WWC2: variants seen among roughly 807,000 people sequenced by gnomAD.
WWC2 encodes protein WWC2.
WWC2 carries 101 observed loss-of-function variants against 138.5 expected under a neutral mutation model. The ratio of observed to expected loss-of-function variants is 0.73; its 90% CI spans 0.62 to 0.86. The LOEUF is 0.86. Ranked by LOEUF, WWC2 falls within the 40% of genes least tolerant of loss-of-function variation. WWC2 has a pLI of 0.00. For synonymous variants in WWC2, 558 were observed against 538.4 expected, an observed-to-expected ratio of 1.04 and a Z score of -0.50; for missense variants, 1,420 against 1,419.4, an observed-to-expected ratio of 1.00 and a Z score of -0.01.
chr4:183,303,310 T>C (rs1738918688), intron 21 of WWC2, among the ~76,000 whole-genome samples: 2 of 152,230 alleles, frequency 1.3e-5, no homozygotes, highest in Non-Finnish European at 2.9e-5. Context: ...TATTGAGCAC[T>C]TGAGCCTTTA....
At chr4:183,111,626 A>G (rs1320698190) in intron 1 of WWC2, among the ~76,000 whole-genome samples, 1 of 151,688 alleles carries the variant, frequency 6.6e-6, no homozygotes, top group African/African-American at 2.4e-5. Context: ...TGTCCATACC[A>G]TATGTTCTTT....
At chr4:183,240,424 A>AT (rs1736580502) in intron 5 of WWC2, 162 bp downstream of exon 5, 1 of 520,114 alleles carries the variant, frequency 1.9e-6, no homozygotes, top group Non-Finnish European at 3.2e-6. Flanking sequence ...CAACCAACAG[A>AT]TAAAAAAACT....
intron 4 of WWC2, among the ~76,000 whole-genome samples, chr4:183,209,862 AC>A (rs1735548475): frequency 1.3e-5 from 2 of 152,210 alleles, no homozygotes; most frequent in African/African-American, 4.8e-5. Flanking sequence ...TGTAACCAAT[AC>A]CCCCTGGTCA....
intron 15 of WWC2, chr4:183,269,511 TTA>T (rs1560878172): frequency 4.1e-6 from 2 of 490,998 alleles, no homozygotes; most frequent in South Asian, 3.1e-5. Context: ...TGTGTATATA[TTA>T]TCTCATTTAA....
At chr4:183,115,128 G>T (rs1432664701) in intron 1 of WWC2, among the ~76,000 whole-genome samples, 1 of 152,128 alleles carries the variant, frequency 6.6e-6, no homozygotes, top group Non-Finnish European at 1.5e-5. Flanking sequence ...TGCGGTATTT[G>T]GTTTTCTATT....
intron 21 of WWC2, among the ~76,000 whole-genome samples, chr4:183,308,741 ATAAT>A (rs1483493903): frequency 1.3e-5 from 2 of 152,200 alleles, no homozygotes; most frequent in South Asian, 2.1e-4. Context: ...TACTATGTAA[ATAAT>A]TGTTATGCTA....
intron 4 of WWC2, among the ~76,000 whole-genome samples, chr4:183,225,232 A>T (rs1374744806): frequency 6.6e-6 from 1 of 152,274 alleles, no homozygotes; most frequent in Non-Finnish European, 1.5e-5. Context: ...TTTAAAATAC[A>T]TACATTACCA....
At chr4:183,200,286 C>T (rs1274461536) in intron 2 of WWC2, among the ~76,000 whole-genome samples, 5 of 151,964 alleles carry the variant, frequency 3.3e-5, no homozygotes, top group East Asian at 1.9e-4. Context: ...TGAAATATAC[C>T]GTGTCCCCAA....
At chr4:183,117,647 C>T (rs1358795079) in intron 1 of WWC2, among the ~76,000 whole-genome samples, 2 of 150,550 alleles carry the variant, frequency 1.3e-5, no homozygotes, top group Non-Finnish European at 1.5e-5. Context: ...GTTTAAAACA[C>T]TGAGACAAGG....
At chr4:183,285,643 C>T (rs902822438) in intron 19 of WWC2, among the ~76,000 whole-genome samples, 4 of 151,982 alleles carry the variant, frequency 2.6e-5, no homozygotes, top group East Asian at 1.9e-4. Context: ...GCCTGTAATC[C>T]GAGTTACTAC....
intron 4 of WWC2, among the ~76,000 whole-genome samples, chr4:183,234,257 C>T (rs955507226): frequency 1.3e-5 from 2 of 152,122 alleles, no homozygotes; most frequent in Admixed American, 6.5e-5. Context: ...GTTGCTTTAG[C>T]GTAGTTAGTG....
At chr4:183,268,922 G>A (rs1043141798) in intron 14 of WWC2, 49 bp from the exon 15 acceptor site, 6 of 1,501,246 alleles carry the variant, frequency 4.0e-6, no homozygotes, top group East Asian at 4.5e-5. Flanking sequence ...CTGTGAATCT[G>A]GTATAATTAA....
chr4:183,102,329 C>T (rs1389443578), intron 1 of WWC2, among the ~76,000 whole-genome samples: 1 of 152,086 alleles, frequency 6.6e-6, no homozygotes, highest in Non-Finnish European at 1.5e-5. Context: ...AACTGAGTGA[C>T]CCTGGAAATA....
intron 4 of WWC2, among the ~76,000 whole-genome samples, chr4:183,219,771 G>T (rs901694044): frequency 3.9e-5 from 6 of 152,140 alleles, no homozygotes; most frequent in Non-Finnish European, 5.9e-5. Flanking sequence ...GATGTTGCAG[G>T]TATAGTAAGC....
chr4:183,221,842 C>T (rs748150394), intron 4 of WWC2, among the ~76,000 whole-genome samples: 5 of 152,108 alleles, frequency 3.3e-5, no homozygotes, highest in South Asian at 4.1e-4. Context: ...AGCGGGTTAG[C>T]GATTTCTTAC....
intron 1 of WWC2, among the ~76,000 whole-genome samples, chr4:183,163,949 TTAG>T (rs1734033423): frequency 6.6e-6 from 1 of 152,076 alleles, no homozygotes; most frequent in African/African-American, 2.4e-5. Flanking sequence ...TAAAATGAAA[TTAG>T]TATTCCTATG....
At chr4:183,172,555 T>TG (rs1392835340) in intron 1 of WWC2, among the ~76,000 whole-genome samples, 152 of 143,784 alleles carry the variant, frequency 1.1e-3, no homozygotes, top group Middle Eastern at 7.3e-3. Context: ...TTATGTTTCT[T>TG]GTTTTTTTTT....
Position 183,189,590 on chromosome 4 carries a change from C to T in WWC2, c.132-4009C>T, listed in dbSNP as rs563055262. Reference sequence around the variant, plus strand: ...TTACTTCCTCCCTGTTCTCTTAGAGCAATTCAGTGATGTTTCTGTGAGCAG... The same window carrying T: ...TTACTTCCTCCCTGTTCTCTTAGAGTAATTCAGTGATGTTTCTGTGAGCAG... On this transcript the variant is annotated intron_variant, in intron 1 of 22. Transcript: ENST00000403733. Among the ~76,000 whole-genome samples the T allele has an allele frequency of 4.6e-5, 7 of 152,250 alleles. No homozygotes were observed. In the East Asian group the frequency reaches 1.4e-3, roughly 29 times the overall value.
intron 1 of WWC2, among the ~76,000 whole-genome samples, chr4:183,139,004 A>C (rs1019195118): frequency 5.9e-5 from 9 of 152,188 alleles, no homozygotes; most frequent in African/African-American, 1.9e-4. Context: ...AGTCAAACTT[A>C]CAGAAGATGT....
Sources: allele counts gnomAD v4.1 joint callset (sites outside exome capture counted in the v4.1 genomes callset), GRCh38; gene constraint gnomAD v4.1.1; transcripts MANE v1.5; gene names NCBI Gene and HGNC (gene_info 2026-07-23, HGNC 2026-07-21).